Variants in KLHL29 observed in about 807,000 individuals in gnomAD.
KLHL29 encodes the protein kelch like family member 29, also known as kelch-like protein 29.
Under a neutral mutation model 80.4 loss-of-function variants are expected in KLHL29, and 21 were observed. The observed-to-expected ratio is 0.26, with a 90% CI of 0.19 to 0.38. The LOEUF is 0.38. KLHL29 is among the 10% of genes least tolerant of loss of function. KLHL29 has a pLI of 1.00. For missense variants in KLHL29, 867 were observed against 1,223.9 expected (o/e 0.71, Z 4.35); for synonymous variants, 511 against 526.8 (o/e 0.97, Z 0.41).
intron 3 of KLHL29, among the ~76,000 whole-genome samples, chr2:23,626,727 C>T (rs1572448611): frequency 6.6e-6 from 1 of 152,222 alleles, no homozygotes; most frequent in Non-Finnish European, 1.5e-5. Flanking sequence ...GCCCTGCCTG[C>T]GTGGATGACG....
intron 1 of KLHL29, among the ~76,000 whole-genome samples, chr2:23,390,747 G>A (rs970397404): frequency 6.6e-6 from 1 of 151,108 alleles, no homozygotes; most frequent in African/African-American, 2.4e-5. Context: ...TGCCTCCTGG[G>A]TTCATGAGAT....
chr2:23,705,566 A>G (rs113745879), intron 13 of KLHL29, among the ~76,000 whole-genome samples: 3 of 152,136 alleles, frequency 2.0e-5, no homozygotes, highest in African/African-American at 7.2e-5. Context: ...TAATCAGGTA[A>G]TAGGTGCACC....
At chr2:23,593,545 C>G (rs189633318) in intron 3 of KLHL29, among the ~76,000 whole-genome samples, 78 of 152,270 alleles carry the variant, frequency 5.1e-4, no homozygotes, top group Admixed American at 1.6e-3. Context: ...GTGTATGGGT[C>G]TCCCTTTCCT....
At chr2:23,440,359 TA>T (rs1434254007) in intron 1 of KLHL29, among the ~76,000 whole-genome samples, 2 of 151,606 alleles carry the variant, frequency 1.3e-5, no homozygotes, top group African/African-American at 4.9e-5. Flanking sequence ...ACATTAGACC[TA>T]AAACCATAAA....
At chr2:23,670,979 T>TCTCTCTCTCTCTCTCTCTCTCTCTCTCC (rs1670720444) in intron 5 of KLHL29, among the ~76,000 whole-genome samples, 1 of 6,046 alleles carries the variant, frequency 1.7e-4, no homozygotes, top group Non-Finnish European at 3.4e-4. Context: ...TCTCTCTCTC[T>TCTCTCTCTCTCTCTCTCTCTCTCTCTCC]CCCTCCCTCC....
chr2:23,619,505 G>T (rs1350119450), intron 3 of KLHL29, among the ~76,000 whole-genome samples: 1 of 152,172 alleles, frequency 6.6e-6, no homozygotes, highest in Admixed American at 6.5e-5. Context: ...CACTGACACT[G>T]ATGTGAGGAA....
intron 2 of KLHL29, among the ~76,000 whole-genome samples, chr2:23,485,596 C>T (rs1031522838): frequency 2.0e-5 from 3 of 152,186 alleles, no homozygotes; most frequent in African/African-American, 7.2e-5. Flanking sequence ...TCAGTATGCT[C>T]AACATTGCAT....
chr2:23,412,734 C>T (rs1666894990), intron 1 of KLHL29, among the ~76,000 whole-genome samples: 1 of 152,180 alleles, frequency 6.6e-6, no homozygotes, highest in African/African-American at 2.4e-5. Flanking sequence ...CTGCGGAAAT[C>T]CTCTGACAGA....
intron 6 of KLHL29, among the ~76,000 whole-genome samples, chr2:23,685,702 C>T (rs1167134557): frequency 6.6e-6 from 1 of 152,234 alleles, no homozygotes; most frequent in Non-Finnish European, 1.5e-5. Context: ...GGTCTCCTGC[C>T]CCCGGTGCTT....
chr2:23,638,584 C>A (rs1016052169), intron 3 of KLHL29, among the ~76,000 whole-genome samples: 1 of 152,180 alleles, frequency 6.6e-6, no homozygotes, highest in East Asian at 1.9e-4. Flanking sequence ...CTCCATAGGA[C>A]AATTGGGCCT....
At chr2:23,585,435 C>T (rs1389837596) in intron 3 of KLHL29, among the ~76,000 whole-genome samples, 1 of 152,192 alleles carries the variant, frequency 6.6e-6, no homozygotes, top group Non-Finnish European at 1.5e-5. Context: ...TGCCACCAGG[C>T]CCTGTTCTGG....
chr2:23,656,000 G>A (rs1258939270), intron 5 of KLHL29, among the ~76,000 whole-genome samples: 1 of 152,204 alleles, frequency 6.6e-6, no homozygotes. Context: ...GCACAAAGTG[G>A]CACTTGTTTT....
In KLHL29 at chr2:23,608,217, A is replaced by G. The variant is rs191193600; in HGVS notation, c.286-30922A>G. The stretch of plus-strand genomic sequence containing the variant: ...GAGGAAGTTCCCACATACAGAAGAG[A>G]GTAAAACTTTGTCTGTAAACATGAA... On this transcript the variant is annotated intron_variant, in intron 3 of 13. Coordinates refer to ENST00000486442, the MANE Select transcript of KLHL29 (RefSeq NM_052920.2). Among the ~76,000 whole-genome samples, 55 of 152,364 alleles carry G rather than the reference A, an allele frequency of 3.6e-4. No homozygotes were observed. In the East Asian group the frequency reaches 9.6e-3, roughly 27 times the overall value.
At chr2:23,413,396 A>G (rs1421497732) in intron 1 of KLHL29, among the ~76,000 whole-genome samples, 1 of 152,156 alleles carries the variant, frequency 6.6e-6, no homozygotes, top group Non-Finnish European at 1.5e-5. Context: ...AGACCCATGG[A>G]CACGGGTGTC....
In KLHL29 at chr2:23,642,831, C is replaced by T. The variant is rs1048662480; in HGVS notation, c.921C>T (p.Thr307=). Residue 307 remains threonine (T), a synonymous_variant, in exon 5 of 14, where the codon ACC becomes ACT. Transcript: ENST00000486442. The part of the protein sequence containing the change: ...RTIGVGKYEF[T]DPGHPREMLK... The stretch of plus-strand genomic sequence containing the variant: ...TTGGCGTGGGGAAGTATGAGTTCAC[C>T]GACCCGGGGCACCCCAGAGGTAAGT... 2.7e-5 allele frequency: 42 copies of T among 1,550,278 alleles called. No individual in the cohort carries two copies. The highest frequency in any genetic ancestry group is 5.5e-5 in the African/African-American group (4 of 73,028).
intron 1 of KLHL29, among the ~76,000 whole-genome samples, chr2:23,421,426 C>G (rs916691723): frequency 1.3e-5 from 2 of 152,120 alleles, no homozygotes; most frequent in African/African-American, 2.4e-5. Flanking sequence ...CTCTCCTCCT[C>G]TTTTGGGGTG....
At chr2:23,636,411 A>G (rs1669610466) in intron 3 of KLHL29, among the ~76,000 whole-genome samples, 1 of 152,174 alleles carries the variant, frequency 6.6e-6, no homozygotes, top group Non-Finnish European at 1.5e-5. Context: ...AAAAAAAAAA[A>G]AAAGACTTGA....
intron 2 of KLHL29, among the ~76,000 whole-genome samples, chr2:23,526,318 C>T (rs946958874): frequency 6.6e-6 from 1 of 152,010 alleles, no homozygotes; most frequent in Non-Finnish European, 1.5e-5. Context: ...GTGGTCAGGG[C>T]ATGCGGGAGG....
intron 1 of KLHL29, among the ~76,000 whole-genome samples, chr2:23,400,861 A>C (rs1395371113): frequency 3.3e-5 from 5 of 152,150 alleles, no homozygotes; most frequent in Non-Finnish European, 2.9e-5. Context: ...GGAAAGCTAC[A>C]CCTTTGTTGC....
Sources: allele counts gnomAD v4.1 joint callset (sites outside exome capture counted in the v4.1 genomes callset), GRCh38; gene constraint gnomAD v4.1.1; transcripts MANE v1.5; gene names NCBI Gene and HGNC (gene_info 2026-07-23, HGNC 2026-07-21).